The following GNG2 variants were observed in gnomAD, a reference collection of about 807,000 sequenced individuals.
GNG2 encodes G protein subunit gamma 2, also known as guanine nucleotide-binding protein G(I)/G(S)/G(O) subunit gamma-2.
A neutral mutation model predicts 5.5 loss-of-function variants in GNG2; 5 were observed. The ratio of observed to expected loss-of-function variants is 0.91; its 90% confidence interval spans 0.48 to 1.92. The LOEUF (loss-of-function observed/expected upper bound fraction) is 1.92. GNG2 is among the 30% of genes most tolerant of loss of function. The pLI, the probability that GNG2 is intolerant of heterozygous loss-of-function variation, is 0.01. For synonymous variants in GNG2, 28 were observed against 32.0 expected (o/e 0.88, Z 0.42); for missense variants, 55 against 88.4 (o/e 0.62, Z 1.52).
chr14:51,903,587 T>C (rs951926631), intron 2 of GNG2, among the ~76,000 whole-genome samples: 1 of 152,238 alleles, frequency 6.6e-6, no homozygotes, highest in African/African-American at 2.4e-5. Flanking sequence ...ATACTTTCCC[T>C]ATGGCAGTGA....
At chr14:51,860,164 C>T (rs1882363699), upstream of GNG2, among the ~76,000 whole-genome samples, 1 of 150,724 alleles carries the variant, frequency 6.6e-6, no homozygotes, top group Non-Finnish European at 1.5e-5. Context: ...TCAGGAGGAA[C>T]AGTGGAGGCT....
intron 2 of GNG2, among the ~76,000 whole-genome samples, chr14:51,886,126 G>C (rs757738970): frequency 2.0e-5 from 3 of 152,166 alleles, no homozygotes; most frequent in Non-Finnish European, 4.4e-5. Flanking sequence ...AATCGAAGTG[G>C]AATACCATAT....
intron 2 of GNG2, among the ~76,000 whole-genome samples, chr14:51,938,742 A>G (rs1377094514): frequency 6.6e-6 from 1 of 152,094 alleles, no homozygotes; most frequent in African/African-American, 2.4e-5. Context: ...TATTTGGGGA[A>G]CTCAGCATCC....
chr14:51,941,493 A>G (rs1888315473), intron 2 of GNG2, among the ~76,000 whole-genome samples: 1 of 152,222 alleles, frequency 6.6e-6, no homozygotes, highest in Non-Finnish European at 1.5e-5. Flanking sequence ...CAAATACCAA[A>G]ACACAGTCCT....
intron 2 of GNG2, among the ~76,000 whole-genome samples, chr14:51,943,774 T>A (rs888596094): frequency 3.3e-5 from 5 of 150,350 alleles, no homozygotes; most frequent in African/African-American, 1.2e-4. Flanking sequence ...CAAAAATTTT[T>A]AAAAAATTAC....
chr14:51,874,505 A>G (rs2140128197), intron 1 of GNG2, among the ~76,000 whole-genome samples: 1 of 151,824 alleles, frequency 6.6e-6, no homozygotes, highest in Non-Finnish European at 1.5e-5. Flanking sequence ...GTTGAGGCAG[A>G]AGGATTGCTT....
chr14:51,905,279 A>G (rs1885845843), intron 2 of GNG2, among the ~76,000 whole-genome samples: 1 of 152,318 alleles, frequency 6.6e-6, no homozygotes. Context: ...TGAAAGAATT[A>G]TTTGTGGAAG....
At chr14:51,953,974 G>C (rs988256189) in intron 3 of GNG2, among the ~76,000 whole-genome samples, 1 of 152,174 alleles carries the variant, frequency 6.6e-6, no homozygotes, top group Non-Finnish European at 1.5e-5. Context: ...CAAAGAATAG[G>C]ACTCTTAAGA....
rs886776938 is a variant in GNG2, at chr14:51,900,452, C to A, written c.-30+22795C>A. On this transcript the variant is annotated intron_variant, in intron 2 of 3. Coordinates refer to ENST00000556766, the MANE Select transcript of GNG2 (RefSeq NM_053064.5). ...AAGAAGAAATGTGGAAATGAGATTGCCAAGTTATATTCAACACTGGTTAAT... is the reference window on the plus strand; with the variant it reads ...AAGAAGAAATGTGGAAATGAGATTGACAAGTTATATTCAACACTGGTTAAT... Among the ~76,000 whole-genome samples the A allele has an allele frequency of 2.0e-4, 30 of 151,410 alleles. 1 individual carries two copies. Among genetic ancestry groups the A allele is most frequent in the African/African-American group, 6.1e-4 (25 of 41,126 alleles).
intron 2 of GNG2, among the ~76,000 whole-genome samples, chr14:51,831,004 A>G (rs4898717): frequency 0.9 from 136,260 of 152,234 alleles, 61,425 homozygotes; most frequent in East Asian, 1. Context: ...TGCTCATGCC[A>G]CATGATGGCC....
intron 2 of GNG2, among the ~76,000 whole-genome samples, chr14:51,943,678 G>A (rs1212638098): frequency 6.6e-6 from 1 of 151,864 alleles, no homozygotes; most frequent in Admixed American, 6.6e-5. Flanking sequence ...ATCTGAAAAG[G>A]AAATTAAGAA....
At chr14:51,868,002 A>C (rs1012253874) in intron 1 of GNG2, among the ~76,000 whole-genome samples, 2 of 152,072 alleles carry the variant, frequency 1.3e-5, no homozygotes, top group Non-Finnish European at 2.9e-5. Context: ...TTTATCATTC[A>C]TTTATTTAAT....
At chr14:51,945,331 A>G (rs1291412790) in intron 2 of GNG2, among the ~76,000 whole-genome samples, 1 of 152,226 alleles carries the variant, frequency 6.6e-6, no homozygotes, top group Admixed American at 6.5e-5. Flanking sequence ...GTATATACAT[A>G]CAATGGAATA....
chr14:51,925,591 A>G (rs535689890), intron 2 of GNG2, among the ~76,000 whole-genome samples: 1 of 152,270 alleles, frequency 6.6e-6, no homozygotes, highest in African/African-American at 2.4e-5. Flanking sequence ...CTCTTATGCA[A>G]GACCTGACAT....
intron 1 of GNG2, among the ~76,000 whole-genome samples, chr14:51,865,224 CTATT>C (rs1025901148): frequency 1.1e-4 from 17 of 152,166 alleles, no homozygotes; most frequent in Non-Finnish European, 1.5e-4. Flanking sequence ...ATGTGCACAT[CTATT>C]CATTCTACAA....
intron 2 of GNG2, among the ~76,000 whole-genome samples, chr14:51,885,015 A>C (rs1884349731): frequency 6.6e-6 from 1 of 152,218 alleles, no homozygotes; most frequent in East Asian, 1.9e-4. Flanking sequence ...ATCAGGTCCA[A>C]TGCACAGAGG....
chr14:51,838,739 A>G (rs1881407203), intron 2 of GNG2, among the ~76,000 whole-genome samples: 1 of 152,152 alleles, frequency 6.6e-6, no homozygotes, highest in Admixed American at 6.5e-5. Flanking sequence ...CTCCATCTCT[A>G]CAAAAAATAT....
At chr14:51,897,874 T>C (rs944169183) in intron 2 of GNG2, among the ~76,000 whole-genome samples, 1 of 152,218 alleles carries the variant, frequency 6.6e-6, no homozygotes, top group Non-Finnish European at 1.5e-5. Context: ...GTGGGAAATA[T>C]CTGCATAGTA....
intron 1 of GNG2, among the ~76,000 whole-genome samples, chr14:51,866,851 G>A (rs4898722): frequency 0.89 from 135,093 of 151,964 alleles, 60,154 homozygotes; most frequent in East Asian, 1. Context: ...AAAGATCTGC[G>A]TCATTCACAT....
Sources: gnomAD v4.1 joint callset for allele counts (sites outside exome capture counted in the v4.1 genomes callset) on GRCh38, gnomAD v4.1.1 for gene constraint, MANE v1.5 for transcripts, NCBI Gene and HGNC (gene_info 2026-07-23, HGNC 2026-07-21) for gene names.